Variants in IGF2R observed in about 807,000 individuals in gnomAD.
IGF2R encodes the protein insulin like growth factor 2 receptor, also known as cation-independent mannose-6-phosphate receptor.
IGF2R carries 91 observed loss-of-function variants against 270.6 expected under a neutral mutation model. The ratio of observed to expected loss-of-function variants is 0.34; its 90% CI spans 0.28 to 0.40. IGF2R has a LOEUF of 0.40. Ranked by LOEUF, IGF2R falls within the 10% of genes least tolerant of loss-of-function variation. IGF2R has a pLI of 1.00. For synonymous variants in IGF2R, 1,316 were observed against 1,258.9 expected, an observed-to-expected ratio of 1.05 and a Z score of -0.96; for missense variants, 2,805 against 3,188.3, an observed-to-expected ratio of 0.88 and a Z score of 2.90.
intron 42 of IGF2R, 117 bp downstream of exon 42, chr6:160,088,264 G>C: frequency 1.4e-6 from 1 of 700,798 alleles, no homozygotes; most frequent in Admixed American, 2.0e-5. Context: ...GGCCAGAGCC[G>C]CTGATTGTGC....
chr6:159,989,442 G>T (rs1583244828), intron 1 of IGF2R, among the ~76,000 whole-genome samples: 1 of 152,130 alleles, frequency 6.6e-6, no homozygotes, highest in Non-Finnish European at 1.5e-5. Flanking sequence ...ACTGCATAGG[G>T]TGAATAACAC....
rs1330625230 is a variant in IGF2R, at chr6:160,050,310, A to G, written c.2515-163A>G. 6.6e-6 allele frequency among the ~76,000 whole-genome samples: 1 copy of G among 152,150 alleles called. No individual in the cohort carries two copies. Among genetic ancestry groups the G allele is most frequent in the Non-Finnish European group, 1.5e-5 (1 of 68,024 alleles). On this transcript the variant is annotated intron_variant, in intron 18 of 47. Transcript: ENST00000356956. This position sits in a 1 kb window ranked among gnomAD's most constrained non-coding sequence, Gnocchi z 4.0. ...TGCAGTTGTTGTTAACTCTTTGAGG[A>G]TGGTTTCCTATTCCATATGTAATAA...
At chr6:159,994,536 T>G (rs988138494) in intron 2 of IGF2R, among the ~76,000 whole-genome samples, 2 of 152,118 alleles carry the variant, frequency 1.3e-5, no homozygotes, top group African/African-American at 4.8e-5. Flanking sequence ...AGGGTTACAT[T>G]AGGTCATTAA....
At chr6:159,973,410 T>A (rs1455803502) in intron 1 of IGF2R, among the ~76,000 whole-genome samples, 1 of 152,204 alleles carries the variant, frequency 6.6e-6, no homozygotes, top group African/African-American at 2.4e-5. Context: ...AGCTTCAAAA[T>A]TTGTACAGGA....
rs756446435 is a variant in IGF2R, at chr6:160,078,204, A to T, written c.5320A>T (p.Thr1774Ser). 7.4e-6 allele frequency: 12 copies of T among 1,613,992 alleles called. No individual in the cohort carries two copies. Among genetic ancestry groups the T allele is most frequent in the Non-Finnish European group, 1.0e-5 (12 of 1,179,878 alleles). The change falls in exon 37 of 48, where the codon ACG (threonine) becomes TCG (serine). Residue 1774 changes from threonine (T) to serine (S), a missense_variant. Physicochemically the swap from Thr to Ser is moderately conservative, Grantham distance 58 (BLOSUM62 1). Coordinates refer to ENST00000356956, the MANE Select transcript of IGF2R (RefSeq NM_000876.4). ...CCCGTGCTCTTCCTGGCAACAGGGA[A>T]CGCCTAAGCTGTTAAGGACCAGCGA... ...FHCKRGVSMG[T>S]PKLLRTSECD...
intron 44 of IGF2R, chr6:160,095,314 C>G (rs1779329532): frequency 6.5e-6 from 1 of 152,682 alleles, no homozygotes; most frequent in South Asian, 2.1e-4. Flanking sequence ...GCATTCACAC[C>G]TCTGCTGCAT....
chr6:160,093,055 A>G (rs901180100), intron 44 of IGF2R: 1 of 152,460 alleles, frequency 6.6e-6, no homozygotes, highest in African/African-American at 2.4e-5. Context: ...CAGCAAAAAG[A>G]TACAGGTTAA....
intron 39 of IGF2R, among the ~76,000 whole-genome samples, chr6:160,082,265 C>A (rs1278051645): frequency 6.6e-6 from 1 of 152,106 alleles, no homozygotes; most frequent in Admixed American, 6.5e-5. Context: ...TTTTCTGAAT[C>A]ACACTCCTGT....
intron 41 of IGF2R, 40 bp from the exon 42 acceptor site, chr6:160,087,993 C>A (rs2114728999): frequency 5.3e-6 from 7 of 1,314,552 alleles, no homozygotes; most frequent in Non-Finnish European, 7.7e-6. Flanking sequence ...TTTTATAATG[C>A]ACTAGAAATA....
chr6:160,001,174 A>G (rs1287135801), intron 2 of IGF2R, among the ~76,000 whole-genome samples: 2 of 152,068 alleles, frequency 1.3e-5, no homozygotes, highest in Non-Finnish European at 2.9e-5. Flanking sequence ...CTTCGTCTGT[A>G]TTTACAGCCG....
intron 36 of IGF2R, 81 bp from the exon 37 acceptor site, chr6:160,078,119 GC>G (rs1326024669): frequency 7.1e-7 from 1 of 1,413,314 alleles, no homozygotes; most frequent in Non-Finnish European, 9.9e-7. Flanking sequence ...GTTATGCACA[GC>G]CCCTGTAGGG....
chr6:160,026,728 C>G (rs1485451452), intron 5 of IGF2R, among the ~76,000 whole-genome samples: 2 of 152,226 alleles, frequency 1.3e-5, no homozygotes, highest in African/African-American at 2.4e-5. Flanking sequence ...CAGTAGCACA[C>G]TGGCAATTGG....
At chr6:160,061,054 A>G (rs1406132750) in intron 23 of IGF2R, among the ~76,000 whole-genome samples, 4 of 152,166 alleles carry the variant, frequency 2.6e-5, no homozygotes, top group East Asian at 1.9e-4. Context: ...AAAGAAAAAG[A>G]TGTTAAACTC....
At chr6:160,047,626 G>T (rs1778098129) in intron 16 of IGF2R, among the ~76,000 whole-genome samples, 166 bp from the exon 17 acceptor site, 1 of 152,192 alleles carries the variant, frequency 6.6e-6, no homozygotes, top group African/African-American at 2.4e-5. Flanking sequence ...ATCCTGATTT[G>T]TTACTGGACA....
chr6:160,019,536 A>G (rs892399676), intron 4 of IGF2R, among the ~76,000 whole-genome samples: 3 of 152,216 alleles, frequency 2.0e-5, no homozygotes, highest in African/African-American at 7.2e-5. Context: ...CTAGAGGCCA[A>G]TATCTATGAT....
intron 4 of IGF2R, among the ~76,000 whole-genome samples, chr6:160,012,183 A>G (rs1300426872): frequency 6.6e-6 from 1 of 152,146 alleles, no homozygotes; most frequent in Non-Finnish European, 1.5e-5. Flanking sequence ...TAAGGCTGAT[A>G]TTTAGGAGAC....
At chr6:160,081,603 T>C (rs1778983904) in intron 39 of IGF2R, among the ~76,000 whole-genome samples, 1 of 152,182 alleles carries the variant, frequency 6.6e-6, no homozygotes, top group South Asian at 2.1e-4. Flanking sequence ...CTGGGGGCGC[T>C]GCAGGAGGCC....
chr6:159,999,390 T>G (rs560672522), intron 2 of IGF2R, among the ~76,000 whole-genome samples: 8 of 152,282 alleles, frequency 5.3e-5, no homozygotes, highest in African/African-American at 1.7e-4. Flanking sequence ...GCCTCCACAA[T>G]GAGCACCTTG....
chr6:160,020,193 A>C (rs895232169), intron 4 of IGF2R, among the ~76,000 whole-genome samples: 1 of 152,046 alleles, frequency 6.6e-6, no homozygotes, highest in Non-Finnish European at 1.5e-5. Flanking sequence ...CAAGAAGTCA[A>C]TCCCATTTAT....
Sources: gnomAD v4.1 joint callset for allele counts (sites outside exome capture counted in the v4.1 genomes callset) on GRCh38, gnomAD v4.1.1 for gene constraint, Gnocchi (gnomAD v3.1) non-coding constraint, MANE v1.5 for transcripts, NCBI Gene and HGNC (gene_info 2026-07-23, HGNC 2026-07-21) for gene names.